The following PROX1 variants were observed in gnomAD, a reference collection of about 807,000 sequenced individuals.
PROX1 encodes prospero homeobox 1.
A neutral mutation model predicts 58.8 loss-of-function variants in PROX1; 7 were observed. The ratio of observed to expected loss-of-function variants is 0.12; its 90% CI spans 0.07 to 0.22. PROX1 has a LOEUF of 0.22. PROX1 is among the 10% of genes least tolerant of loss of function. The probability of loss-of-function intolerance (pLI) is 1.00; values close to 1 mark genes in which losing one functional copy is unlikely to be tolerated. For missense variants in PROX1, 675 were observed against 927.8 expected (o/e 0.73, Z 3.54); for synonymous variants, 350 against 358.3 (o/e 0.98, Z 0.26).
At chr1:214,027,493 G>C (rs1664500161) in intron 4 of PROX1, among the ~76,000 whole-genome samples, 4 of 152,098 alleles carry the variant, frequency 2.6e-5, no homozygotes, top group East Asian at 1.9e-4. Context: ...TTGAATGCAT[G>C]GTACTTTGTT....
At chr1:214,001,593 C>T (rs928215409) in intron 2 of PROX1, among the ~76,000 whole-genome samples, 2 of 152,072 alleles carry the variant, frequency 1.3e-5, no homozygotes, top group African/African-American at 4.8e-5. Flanking sequence ...TTTTTCTACT[C>T]AACTTTTAGG....
chr1:213,990,176 C>A lies in PROX1; in HGVS notation c.-68+1693C>A, dbSNP rs149510356. Among the ~76,000 whole-genome samples the A allele has an allele frequency of 3.5e-3, 528 of 149,560 alleles. 7 individuals carry two copies. Among genetic ancestry groups the A allele is most frequent in the Middle Eastern group, 0.018 (5 of 278 alleles). On this transcript the variant is annotated intron_variant, in intron 1 of 4. Coordinates refer to ENST00000366958, the MANE Select transcript of PROX1 (RefSeq NM_001270616.2). Reference sequence around the variant, plus strand: ...GAAAGAAAAGAAAAAAAAAAGAACTCATTTCCTTTCCTAACCTAGGTAGGC... The same window carrying A: ...GAAAGAAAAGAAAAAAAAAAGAACTAATTTCCTTTCCTAACCTAGGTAGGC...
chr1:214,020,514 A>T (rs1256317620), intron 4 of PROX1, among the ~76,000 whole-genome samples: 1 of 152,148 alleles, frequency 6.6e-6, no homozygotes, highest in Non-Finnish European at 1.5e-5. Flanking sequence ...TTCTCTCTCT[A>T]AAGTTTTATT....
chr1:214,021,343 C>T (rs1015761148), intron 4 of PROX1, among the ~76,000 whole-genome samples: 1 of 152,084 alleles, frequency 6.6e-6, no homozygotes, highest in Non-Finnish European at 1.5e-5. Flanking sequence ...TCCCCTAGAA[C>T]TCCACAGGGA....
At chr1:214,003,616 A>G (rs1208343643) in intron 2 of PROX1, among the ~76,000 whole-genome samples, 1 of 152,076 alleles carries the variant, frequency 6.6e-6, no homozygotes, top group African/African-American at 2.4e-5. Flanking sequence ...TTCTTTCTTT[A>G]GTGTTTATTT....
chr1:214,040,493 T>C lies in PROX1; in HGVS notation c.*4659T>C, dbSNP rs555590324. 10 of 152,292 alleles carry C rather than the reference T, an allele frequency of 6.6e-5. No homozygotes were observed. The East Asian group carries it at 1.9e-3, about 29-fold the overall frequency. 9.4% of individuals were successfully genotyped at this position (152,292 alleles called of 1,614,324 possible). On this transcript the variant is annotated 3_prime_UTR_variant, in exon 5 of 5. Transcript: ENST00000366958. ...GGGGAGAAAATATTTTAAAATTGTATATTACGACTTCAAATTTAGAACTAA... is the reference window on the plus strand; with the variant it reads ...GGGGAGAAAATATTTTAAAATTGTACATTACGACTTCAAATTTAGAACTAA...
chr1:214,007,451 A>C (rs1270251082), intron 3 of PROX1, among the ~76,000 whole-genome samples: 1 of 152,214 alleles, frequency 6.6e-6, no homozygotes, highest in Non-Finnish European at 1.5e-5. Flanking sequence ...TACATTTTTA[A>C]CTTTCCTAAT....
intron 2 of PROX1, among the ~76,000 whole-genome samples, chr1:214,004,696 G>A (rs1454561113): frequency 6.6e-6 from 1 of 152,096 alleles, no homozygotes; most frequent in Non-Finnish European, 1.5e-5. Context: ...TCAAAATAAT[G>A]CATTTTATAT....
At chr1:214,008,478 T>A (rs1663798764) in intron 3 of PROX1, among the ~76,000 whole-genome samples, 1 of 152,018 alleles carries the variant, frequency 6.6e-6, no homozygotes, top group South Asian at 2.1e-4. Context: ...GTTTCCTGAA[T>A]ATGGTATAAC....
Position 213,998,039 on chromosome 1 carries a change from G to C in PROX1, c.1504G>C (p.Gly502Arg), listed in dbSNP as rs1037268126. The C allele has an allele frequency of 1.9e-6, 3 of 1,611,846 alleles. No individual in the cohort carries two copies. The highest frequency in any genetic ancestry group is 1.7e-4 in the Middle Eastern group (1 of 6,060). ...TCAGAGCCCATTAGGTGCTCCCTCC[G>C]GCTCCTTCTCTGGAAAAGACAGAGC... ...PFQSPLGAPSGSFSGKDRASP... is the reference protein window; with the variant it reads ...PFQSPLGAPSRSFSGKDRASP... The change falls in exon 2 of 5, where the codon GGC (glycine) becomes CGC (arginine). Residue 502 changes from glycine to arginine, a missense_variant. Physicochemically the swap from Gly to Arg is moderately radical, Grantham distance 125 (BLOSUM62 -2). This residue lies in a region of PROX1 where 403 missense variants were observed against 477.4 expected (regional missense o/e 0.84). Transcript: ENST00000366958.
At chr1:213,993,876 T>A (rs879339968) in intron 1 of PROX1, among the ~76,000 whole-genome samples, 5 of 152,244 alleles carry the variant, frequency 3.3e-5, no homozygotes, top group Admixed American at 1.3e-4. Context: ...CCAAGACAGA[T>A]ACAAATCGTT....
At chr1:214,001,552 G>A (rs1415574731) in intron 2 of PROX1, among the ~76,000 whole-genome samples, 1 of 152,156 alleles carries the variant, frequency 6.6e-6, no homozygotes, top group East Asian at 1.9e-4. Flanking sequence ...TGCAGGTGAA[G>A]AAATTGAGCC....
chr1:214,018,194 T>TC (rs917130062), intron 4 of PROX1, among the ~76,000 whole-genome samples: 2 of 152,158 alleles, frequency 1.3e-5, no homozygotes, highest in African/African-American at 4.8e-5. Flanking sequence ...TCTTCATTTT[T>TC]CCCCCCGCAG....
rs775172643 is a variant in PROX1 at position 213,996,991 on chromosome 1, T to G, written c.456T>G (p.Phe152Leu). 4.3e-6 allele frequency: 7 copies of G among 1,614,018 alleles called. No individual in the cohort carries two copies. The Admixed American group carries it at 1.2e-4, about 27-fold the overall frequency. Residue 152 changes from phenylalanine to leucine, a missense_variant, in exon 2 of 5, where the codon TTT becomes TTG. Phe to Leu is a conservative substitution (Grantham distance 22). Transcript: ENST00000366958. ...TTGGCAGGCCTACTATGAGCCAGTT[T>G]GATATGGATCGCTTATGTGATGAGC... is the stretch of plus-strand genomic sequence containing the variant. ...SPFGRPTMSQFDMDRLCDEHL... is the reference protein window; with the variant it reads ...SPFGRPTMSQLDMDRLCDEHL...
chr1:214,031,332 A>G (rs1342252564), intron 4 of PROX1, among the ~76,000 whole-genome samples: 1 of 152,084 alleles, frequency 6.6e-6, no homozygotes, highest in Non-Finnish European at 1.5e-5. Flanking sequence ...CTATATTGGG[A>G]TGCCTTTTTA....
In PROX1 at chr1:214,039,608, A is replaced by G. The variant is rs1664940353; in HGVS notation, c.*3774A>G. 1 of 152,238 alleles carries G rather than the reference A, an allele frequency of 6.6e-6. No homozygotes were observed. Among genetic ancestry groups the G allele is most frequent in the South Asian group, 2.1e-4 (1 of 4,836 alleles). 9.4% of individuals were successfully genotyped at this position (152,238 alleles called of 1,614,324 possible). On this transcript the variant is annotated 3_prime_UTR_variant, in exon 5 of 5. Transcript: ENST00000366958. ...ATCTGTTGAATTTACTAGGAACACT[A>G]CAGTGACTGTATAGACAGTTGAAAG...
chr1:213,990,297 G>A (rs1558165421), intron 1 of PROX1, among the ~76,000 whole-genome samples: 1 of 151,842 alleles, frequency 6.6e-6, no homozygotes, highest in Non-Finnish European at 1.5e-5. Flanking sequence ...GTGTGTGTCT[G>A]TACAGCTCTA....
chr1:213,999,224 T>C (rs1663402072), intron 2 of PROX1, among the ~76,000 whole-genome samples: 1 of 152,192 alleles, frequency 6.6e-6, no homozygotes, highest in African/African-American at 2.4e-5. Flanking sequence ...TTTTTTTCTC[T>C]CTGTATATCG....
intron 3 of PROX1, among the ~76,000 whole-genome samples, chr1:214,006,463 T>C (rs1379929886): frequency 6.6e-6 from 1 of 152,178 alleles, no homozygotes; most frequent in Non-Finnish European, 1.5e-5. Context: ...AGGCTTGTTT[T>C]CTCCTTGTTC....
Sources: gnomAD v4.1 joint callset for allele counts (sites outside exome capture counted in the v4.1 genomes callset) on GRCh38, gnomAD v4.1.1 for gene constraint, gnomAD v4.1.1 regional missense constraint, MANE v1.5 for transcripts, NCBI Gene and HGNC (gene_info 2026-07-23, HGNC 2026-07-21) for gene names.